Variants in PIWIL2 observed in about 807,000 individuals in gnomAD.
PIWIL2 encodes the protein piwi-like protein 2.
In PIWIL2, 81 loss-of-function variants were observed where a neutral mutation model predicts 116.5. The observed-to-expected ratio is 0.70, with a 90% CI of 0.58 to 0.84. The LOEUF (loss-of-function observed/expected upper bound fraction) is 0.84, where lower values mean the gene tolerates loss of function less well. Among genes scored for constraint, PIWIL2 ranks in the 40% least tolerant of loss-of-function variants. The probability of loss-of-function intolerance (pLI) is 0.00; values close to 1 mark genes in which losing one functional copy is unlikely to be tolerated. For synonymous variants in PIWIL2, 489 were observed against 429.5 expected (o/e 1.14, Z -1.71); for missense variants, 1,272 against 1,212.3 (o/e 1.05, Z -0.73).
At chr8:22,304,936 C>A in intron 12 of PIWIL2, 68 bp downstream of exon 12, 1 of 1,061,510 alleles carries the variant, frequency 9.4e-7, no homozygotes, top group Non-Finnish European at 1.5e-6. Flanking sequence ...TTTTAGCCGT[C>A]CTCATGGCTT....
At chr8:22,327,748 G>A (rs1462659626) in intron 20 of PIWIL2, among the ~76,000 whole-genome samples, 1 of 152,136 alleles carries the variant, frequency 6.6e-6, no homozygotes, top group Non-Finnish European at 1.5e-5. Flanking sequence ...CATCCTTCAT[G>A]TGCTTGTTGC....
At chr8:22,336,503 A>T (rs1255302558) in intron 20 of PIWIL2, among the ~76,000 whole-genome samples, 1 of 152,204 alleles carries the variant, frequency 6.6e-6, no homozygotes, top group Non-Finnish European at 1.5e-5. Context: ...AATTTATTAT[A>T]AACAACGTAT....
chr8:22,354,302 C>G lies in PIWIL2; in HGVS notation c.2689C>G (p.Arg897Gly), dbSNP rs756707344. Residue 897 changes from arginine (R) to glycine (G), a missense_variant, in exon 22 of 23, where the codon CGG becomes GGG. By Grantham distance (125) the Arg-to-Gly change is moderately radical. Transcript: ENST00000356766. ...TTTCTATCTTCTTGCCCATCATGTA[C>G]GGCAGGGCTGTGGCATTCCTACGCA... ...VDFYLLAHHV[R>G]QGCGIPTHYV... 6.2e-7 allele frequency: 1 copy of G among 1,612,760 alleles called. No homozygotes were observed. Among genetic ancestry groups the G allele is most frequent in the African/African-American group, 1.3e-5 (1 of 74,838 alleles).
chr8:22,308,203 T>G, intron 14 of PIWIL2, 130 bp downstream of exon 14: 1 of 781,732 alleles, frequency 1.3e-6, no homozygotes, highest in Non-Finnish European at 1.9e-6. Flanking sequence ...CTAAGTTTTT[T>G]TTTTTTTTTT....
intron 20 of PIWIL2, among the ~76,000 whole-genome samples, chr8:22,346,320 C>T (rs527870471): frequency 6.6e-6 from 1 of 152,340 alleles, no homozygotes; most frequent in East Asian, 1.9e-4. Flanking sequence ...CACTCCTCCA[C>T]CTCACAGCTT....
At chr8:22,292,936 G>C (rs147812809) in intron 10 of PIWIL2, among the ~76,000 whole-genome samples, 164 of 152,250 alleles carry the variant, frequency 1.1e-3, no homozygotes, top group African/African-American at 3.8e-3. Context: ...TTTTTGGTTT[G>C]CTCTGTTGGG....
At chr8:22,349,706 AG>A (rs1468797148) in intron 20 of PIWIL2, among the ~76,000 whole-genome samples, 1 of 152,116 alleles carries the variant, frequency 6.6e-6, no homozygotes, top group South Asian at 2.1e-4. Flanking sequence ...GGGAATTAAC[AG>A]GAACTGGTAA....
At chr8:22,312,047 T>G (rs1831345098) in intron 16 of PIWIL2, among the ~76,000 whole-genome samples, 1 of 151,814 alleles carries the variant, frequency 6.6e-6, no homozygotes, top group African/African-American at 2.4e-5. Flanking sequence ...GCGGGTTGCT[T>G]GAGCCCAGGA....
At chr8:22,291,011 C>T (rs959882786) in intron 10 of PIWIL2, among the ~76,000 whole-genome samples, 3 of 147,504 alleles carry the variant, frequency 2.0e-5, no homozygotes, top group African/African-American at 2.4e-5. Context: ...CTCTATCACC[C>T]AGGCTGGAGT....
At chr8:22,330,738 A>T (rs915623998) in intron 20 of PIWIL2, among the ~76,000 whole-genome samples, 2 of 144,844 alleles carry the variant, frequency 1.4e-5, no homozygotes, top group East Asian at 3.9e-4. Context: ...ATAAATAAAT[A>T]AATAAAAATA....
At chr8:22,281,899 G>A (rs999378711) in intron 4 of PIWIL2, among the ~76,000 whole-genome samples, 6 of 150,318 alleles carry the variant, frequency 4.0e-5, no homozygotes, top group South Asian at 2.1e-4. Context: ...AGCCTCCCAG[G>A]TGTCTGGGAC....
In PIWIL2 at chr8:22,347,014, T is replaced by A. The variant is rs531879918; in HGVS notation, c.2404-5945T>A. 6.6e-5 allele frequency among the ~76,000 whole-genome samples: 10 copies of A among 151,020 alleles called. No homozygotes were observed. In the East Asian group the frequency reaches 1.2e-3, roughly 18 times the overall value. On this transcript the variant is annotated intron_variant, in intron 20 of 22. Coordinates refer to ENST00000356766, the MANE Select transcript of PIWIL2 (RefSeq NM_018068.5). Reference sequence around the variant, plus strand: ...CATAGACCTCATATGTATAAAAAAATTTTTAAGTTAGCTGGGTATGGTAGT... The same window carrying A: ...CATAGACCTCATATGTATAAAAAAAATTTTAAGTTAGCTGGGTATGGTAGT...
rs2131993761 is a variant in PIWIL2, at chr8:22,287,637, C to T, written c.853C>T (p.Leu285Phe). Residue 285 changes from leucine (L) to phenylalanine (F), a missense_variant, in exon 7 of 23, where the codon CTT (leucine) becomes TTT (phenylalanine). Coordinates refer to ENST00000356766, the MANE Select transcript of PIWIL2 (RefSeq NM_018068.5). ...ATCTATTCTCTATCTGCCTGTTAAG[C>T]TTCAACAAGTGAGACCAAACAGGAA... ...DGSILYLPVK[L>F]QQVLELKSQR... is the part of the protein sequence containing the mutation. The T allele has an allele frequency of 6.3e-7, 1 of 1,589,306 alleles. No individual in the cohort carries two copies. Among genetic ancestry groups the T allele is most frequent in the East Asian group, 2.2e-5 (1 of 44,768 alleles).
chr8:22,331,215 G>C (rs764017777), intron 20 of PIWIL2, among the ~76,000 whole-genome samples: 1 of 151,986 alleles, frequency 6.6e-6, no homozygotes, highest in African/African-American at 2.4e-5. Context: ...CTGACCTACA[G>C]AGGATTCAGA....
intron 10 of PIWIL2, among the ~76,000 whole-genome samples, chr8:22,292,557 G>C (rs903529279): frequency 6.6e-6 from 1 of 152,260 alleles, no homozygotes; most frequent in Non-Finnish European, 1.5e-5. Context: ...CTCTGGCAGA[G>C]GCCGTGTCTT....
chr8:22,284,052 GA>G, intron 5 of PIWIL2, 109 bp from the exon 6 acceptor site: 2 of 582,910 alleles, frequency 3.4e-6, no homozygotes, highest in Non-Finnish European at 5.9e-6. Flanking sequence ...AGCAAAATGT[GA>G]AAAAATGTTA....
intron 20 of PIWIL2, among the ~76,000 whole-genome samples, chr8:22,328,376 CTTTA>C (rs1002628924): frequency 7.2e-5 from 11 of 152,092 alleles, no homozygotes; most frequent in African/African-American, 2.4e-4. Flanking sequence ...AGTCTTCCAA[CTTTA>C]TTTTTCTTTT....
Position 22,310,094 on chromosome 8 carries a change from A to T in PIWIL2, c.1800+20A>T, listed in dbSNP as rs1196523992. 1.4e-5 allele frequency: 18 copies of T among 1,296,100 alleles called. No homozygotes were observed. In the Admixed American group the frequency reaches 2.4e-4, roughly 17 times the overall value. 80.3% of individuals were successfully genotyped at this position (1,296,100 alleles called of 1,614,324 possible). A position where few individuals can be genotyped will look rare whatever the true frequency, so the allele number is the denominator to read the frequency against. On this transcript the variant is annotated intron_variant, in intron 15 of 22. Coordinates refer to ENST00000356766, the MANE Select transcript of PIWIL2 (RefSeq NM_018068.5). ...TTGACTGTAAGTGATTTTTGAAGTG[A>T]TAAAGAGAGGACCAGTATTCCCCAA...
chr8:22,314,813 G>T (rs1831416132), intron 17 of PIWIL2, among the ~76,000 whole-genome samples: 1 of 151,890 alleles, frequency 6.6e-6, no homozygotes, highest in Admixed American at 6.6e-5. Flanking sequence ...TTTTGTTTTG[G>T]GTTTGTGGTG....
Sources: gnomAD v4.1 joint callset for allele counts (sites outside exome capture counted in the v4.1 genomes callset) on GRCh38, gnomAD v4.1.1 for gene constraint, MANE v1.5 for transcripts, NCBI Gene and HGNC (gene_info 2026-07-23, HGNC 2026-07-21) for gene names.